PLD1: variants seen among roughly 807,000 people sequenced by gnomAD.
The protein encoded by PLD1 is choline phosphatase 1.
In PLD1, 112 loss-of-function variants were observed where a neutral mutation model predicts 137.1. The ratio of observed to expected loss-of-function variants is 0.82; its 90% CI spans 0.70 to 0.96. PLD1 has a LOEUF of 0.96. Ranked by LOEUF, PLD1 falls within the 40% of genes least tolerant of loss-of-function variation. The probability of loss-of-function intolerance (pLI) is 0.00; values close to 1 mark genes in which losing one functional copy is unlikely to be tolerated. For missense variants in PLD1, 1,321 were observed against 1,342.0 expected (o/e 0.98, Z 0.24); for synonymous variants, 431 against 454.7 (o/e 0.95, Z 0.66).
chr3:171,603,129 C>T lies in PLD1; in HGVS notation c.3174G>A (p.Leu1058=). The T allele has an allele frequency of 6.2e-7, 1 of 1,614,054 alleles. No individual in the cohort carries two copies. The highest frequency in any genetic ancestry group is 8.5e-7 in the Non-Finnish European group (1 of 1,179,984). Reference sequence around the variant, plus strand: ...TGGCCTCTTTGGTCCCAACAGAAGGCAGTAGGCTTTCTTCAGACAAGAAAT... The same window carrying T: ...TGGCCTCTTTGGTCCCAACAGAAGGTAGTAGGCTTTCTTCAGACAAGAAAT... The part of the protein sequence containing the change: ...PFYFLSEESL[L]PSVGTKEAIV... The change falls in exon 27 of 27, where the codon CTG becomes CTA. Residue 1058 remains leucine (L), a synonymous_variant. Transcript: ENST00000351298.
At chr3:171,775,721 T>C (rs766319480) in intron 1 of PLD1, among the ~76,000 whole-genome samples, 10 of 152,092 alleles carry the variant, frequency 6.6e-5, no homozygotes, top group Non-Finnish European at 1.5e-4. Flanking sequence ...CACACATCTG[T>C]AATCCCAGCT....
intron 21 of PLD1, among the ~76,000 whole-genome samples, chr3:171,652,399 T>G: frequency 7.5e-6 from 1 of 133,102 alleles, no homozygotes; most frequent in African/African-American, 3.0e-5. Flanking sequence ...GGCGACAGAG[T>G]GAGACTCCTT....
At chr3:171,619,219 T>C (rs1456263918) in intron 24 of PLD1, among the ~76,000 whole-genome samples, 1 of 152,192 alleles carries the variant, frequency 6.6e-6, no homozygotes, top group Non-Finnish European at 1.5e-5. Context: ...ATTTATACTC[T>C]ATCATCCTGG....
chr3:171,652,356 T>C lies in PLD1; in HGVS notation c.2429+6857A>G, dbSNP rs1175181643. Among the ~76,000 whole-genome samples, 5 of 145,094 alleles carry C rather than the reference T, an allele frequency of 3.4e-5. No individual in the cohort carries two copies. The South Asian group carries it at 8.7e-4, about 25-fold the overall frequency. On this transcript the variant is annotated intron_variant, in intron 21 of 26. Coordinates refer to ENST00000351298, the MANE Select transcript of PLD1 (RefSeq NM_002662.5). ...TGAACCCAGGAGGTGGAGTTTGCAG[T>C]GAGCCAAGATCGCGCCACTGCACTC... is the stretch of plus-strand genomic sequence containing the variant.
chr3:171,630,565 G>T (rs377663092), intron 23 of PLD1, among the ~76,000 whole-genome samples: 10 of 138,556 alleles, frequency 7.2e-5, no homozygotes, highest in Non-Finnish European at 1.2e-4. Context: ...ACATGCACAC[G>T]TATGTTTATT....
intron 1 of PLD1, among the ~76,000 whole-genome samples, chr3:171,797,021 T>A (rs1032059596): frequency 6.6e-5 from 10 of 152,154 alleles, no homozygotes; most frequent in African/African-American, 2.4e-4. Flanking sequence ...ACCAAGAACA[T>A]GTTAGTTTAA....
intron 16 of PLD1, chr3:171,677,930 T>C: frequency 2.9e-6 from 1 of 344,940 alleles, no homozygotes; most frequent in African/African-American, 2.1e-5. Flanking sequence ...CAATGAAATT[T>C]GACCTTCTCA....
chr3:171,723,781 G>A (rs933858357), intron 8 of PLD1, among the ~76,000 whole-genome samples: 2 of 152,088 alleles, frequency 1.3e-5, no homozygotes, highest in Non-Finnish European at 2.9e-5. Context: ...TTCAAGAAAC[G>A]TATATTCAGA....
chr3:171,669,017 A>C (rs1712456346), intron 19 of PLD1, among the ~76,000 whole-genome samples: 1 of 152,162 alleles, frequency 6.6e-6, no homozygotes, highest in South Asian at 2.1e-4. Flanking sequence ...AAGGCCCAGC[A>C]CTGAGGGGAA....
intron 13 of PLD1, 80 bp from the exon 14 acceptor site, chr3:171,688,956 C>A: frequency 9.9e-7 from 1 of 1,013,278 alleles, no homozygotes; most frequent in South Asian, 1.4e-5. Context: ...TGTGTTCTCC[C>A]TGAAAAGCAT....
At position 171,734,001 on chromosome 3, in the gene PLD1, G is replaced by A. The variant is rs577283869; in HGVS notation, c.541-492C>T. 1.2e-3 allele frequency among the ~76,000 whole-genome samples: 190 copies of A among 152,282 alleles called. 1 individual carries two copies. Among genetic ancestry groups the A allele is most frequent in the African/African-American group, 4.5e-3 (188 of 41,568 alleles). On this transcript the variant is annotated intron_variant, in intron 5 of 26. Transcript: ENST00000351298. ...GCTAAACTGTGTGTGGAGGCAGCAGGGGAGTAGAGGGATATAGGCTTGGGG... is the reference window on the plus strand; with the variant it reads ...GCTAAACTGTGTGTGGAGGCAGCAGAGGAGTAGAGGGATATAGGCTTGGGG...
Position 171,612,520 on chromosome 3 carries a change from C to CA in PLD1, c.2729-89dup. The CA allele has an allele frequency of 1.5e-6, 2 of 1,296,120 alleles. No individual in the cohort carries two copies. The highest frequency in any genetic ancestry group is 2.2e-6 in the Non-Finnish European group (2 of 906,400). The allele number at this position is 1,296,120 out of a possible 1,614,324, so 80.3% of individuals were successfully genotyped here. On this transcript the variant is annotated intron_variant, in intron 24 of 26. Transcript: ENST00000351298. This position sits in a 1 kb window ranked among gnomAD's most constrained non-coding sequence, Gnocchi z 4.1. Reference sequence around the variant, plus strand: ...TCCCAACTCAATTCATCCTTGCAAACAAAACCGTAATTTTGTCCAGGTTTT... The same window carrying CA: ...TCCCAACTCAATTCATCCTTGCAAACAAAAACCGTAATTTTGTCCAGGTTTT...
At chr3:171,724,625 T>C in intron 8 of PLD1, 71 bp downstream of exon 8, 1 of 828,122 alleles carries the variant, frequency 1.2e-6, no homozygotes, top group Non-Finnish European at 2.1e-6. Flanking sequence ...AATTTAAAAC[T>C]GGTATGTAAA....
intron 8 of PLD1, 145 bp downstream of exon 8, chr3:171,724,551 G>A: frequency 3.4e-6 from 2 of 596,342 alleles, no homozygotes; most frequent in Non-Finnish European, 6.0e-6. Context: ...TTAAATGGAT[G>A]CTGGAATTTG....
At position 171,645,024 on chromosome 3, in the gene PLD1, C is replaced by T. The variant is rs760657350; in HGVS notation, c.2430-1G>A. On this transcript the variant is annotated splice_acceptor_variant, in intron 21 of 26. Transcript: ENST00000351298. LOFTEE classifies it high-confidence loss of function. Reference sequence around the variant, plus strand: ...ATATACCCGGTATTTCTGGTTTTCCCTGCAAAGGTCAGATGCAGAGAAATT... The same window carrying T: ...ATATACCCGGTATTTCTGGTTTTCCTTGCAAAGGTCAGATGCAGAGAAATT... 1.4e-5 allele frequency: 23 copies of T among 1,592,558 alleles called. No individual in the cohort carries two copies. The highest frequency in any genetic ancestry group is 1.9e-5 in the Non-Finnish European group (22 of 1,160,458).
chr3:171,656,408 TG>T (rs1404461482), intron 21 of PLD1, among the ~76,000 whole-genome samples: 1 of 152,068 alleles, frequency 6.6e-6, no homozygotes, highest in Non-Finnish European at 1.5e-5. Flanking sequence ...TGACCTCAGG[TG>T]ATCCACCCGC....
Position 171,801,957 on chromosome 3 carries a change from G to A in PLD1, c.-32+8442C>T, listed in dbSNP as rs1287466001. ...TTTGCAAGCTCTCTGAAAACGACAGGAGGCATTCACATAGAAAGCTACAGA... is the reference window on the plus strand; with the variant it reads ...TTTGCAAGCTCTCTGAAAACGACAGAAGGCATTCACATAGAAAGCTACAGA... On this transcript the variant is annotated intron_variant, in intron 1 of 26. Coordinates refer to ENST00000351298, the MANE Select transcript of PLD1 (RefSeq NM_002662.5). Among the ~76,000 whole-genome samples the A allele has an allele frequency of 5.3e-5, 8 of 152,204 alleles. No individual in the cohort carries two copies. In the South Asian group the frequency reaches 6.2e-4, roughly 12 times the overall value.
At chr3:171,675,469 C>A (rs1320697241) in intron 18 of PLD1, among the ~76,000 whole-genome samples, 2 of 152,070 alleles carry the variant, frequency 1.3e-5, no homozygotes, top group African/African-American at 4.8e-5. Context: ...TTTTCTGGAT[C>A]AAAGATTGCA....
At chr3:171,776,930 G>A (rs1000933546) in intron 1 of PLD1, among the ~76,000 whole-genome samples, 2 of 151,820 alleles carry the variant, frequency 1.3e-5, no homozygotes, top group African/African-American at 2.4e-5. Context: ...TTATCTCAAG[G>A]TTAACTAGAT....
Sources: allele counts gnomAD v4.1 joint callset (sites outside exome capture counted in the v4.1 genomes callset), GRCh38; gene constraint gnomAD v4.1.1; non-coding constraint Gnocchi (gnomAD v3.1); transcripts MANE v1.5; gene names NCBI Gene and HGNC (gene_info 2026-07-23, HGNC 2026-07-21).